DLGAP4: variants seen among roughly 807,000 people sequenced by gnomAD.
The protein encoded by DLGAP4 is disks large-associated protein 4.
Under a neutral mutation model 86.9 loss-of-function variants are expected in DLGAP4, and 18 were observed. The ratio of observed to expected loss-of-function variants is 0.21; its 90% CI spans 0.14 to 0.31. The LOEUF (loss-of-function observed/expected upper bound fraction) is 0.31. DLGAP4 is among the 10% of genes least tolerant of loss of function. The pLI, the probability that DLGAP4 is intolerant of heterozygous loss-of-function variation, is 1.00. For synonymous variants in DLGAP4, 548 were observed against 574.3 expected (o/e 0.95, Z 0.65); for missense variants, 1,085 against 1,362.6 (o/e 0.80, Z 3.21).
chr20:36,461,409 G>A (rs867317138), intron 7 of DLGAP4: 6 of 965,838 alleles, frequency 6.2e-6, no homozygotes, highest in African/African-American at 5.4e-5. Flanking sequence ...GGCTGACGCG[G>A]GGGGCGGGGA....
At chr20:36,504,145 G>A (rs2036263277) in intron 10 of DLGAP4, among the ~76,000 whole-genome samples, 1 of 152,000 alleles carries the variant, frequency 6.6e-6, no homozygotes, top group Admixed American at 6.6e-5. Flanking sequence ...GCAATTCAGT[G>A]GCATTAATTA....
chr20:36,415,085 G>A (rs894055752), intron 2 of DLGAP4, among the ~76,000 whole-genome samples: 1 of 152,096 alleles, frequency 6.6e-6, no homozygotes, highest in Admixed American at 6.6e-5. Flanking sequence ...GACCAACATG[G>A]TGAAACCCCG....
chr20:36,386,199 G>T (rs915033590), intron 2 of DLGAP4, among the ~76,000 whole-genome samples: 1 of 152,130 alleles, frequency 6.6e-6, no homozygotes, highest in African/African-American at 2.4e-5. Context: ...GCAAGCAAGC[G>T]TGACACATTG....
At chr20:36,474,839 G>A (rs986459809) in intron 7 of DLGAP4, among the ~76,000 whole-genome samples, 1 of 152,212 alleles carries the variant, frequency 6.6e-6, no homozygotes, top group Non-Finnish European at 1.5e-5. Flanking sequence ...TTACTTGAGT[G>A]CCAAGTGCTG....
intron 6 of DLGAP4, among the ~76,000 whole-genome samples, chr20:36,445,151 G>A (rs1047186324): frequency 6.6e-6 from 1 of 151,934 alleles, no homozygotes; most frequent in African/African-American, 2.4e-5. Context: ...TGTTGCCCAG[G>A]CTGAATTTTA....
intron 7 of DLGAP4, among the ~76,000 whole-genome samples, chr20:36,470,484 G>A (rs982652655): frequency 6.6e-6 from 1 of 151,518 alleles, no homozygotes; most frequent in Non-Finnish European, 1.5e-5. Context: ...CTCTGGATAC[G>A]TTTTGCTGGA....
chr20:36,496,881 T>C lies in DLGAP4; in HGVS notation c.1825T>C (p.Ser609Pro). Residue 609 changes from serine to proline, a missense_variant, in exon 8 of 13, where the codon TCG becomes CCG. This residue lies in a region of DLGAP4 where 1,082 missense variants were observed against 1,344.1 expected (regional missense o/e 0.81). Transcript: ENST00000339266. ...VTSQSGLSNS[S>P]DSLDSSTRPP... ...TAGCCAGTCGGGCCTGAGCAACTCGTCGGACAGCCTGGACAGCAGTACCCG... is the reference window on the plus strand; with the variant it reads ...TAGCCAGTCGGGCCTGAGCAACTCGCCGGACAGCCTGGACAGCAGTACCCG... 1 of 1,614,072 alleles carries C rather than the reference T, an allele frequency of 6.2e-7. No individual in the cohort carries two copies. The highest frequency in any genetic ancestry group is 8.5e-7 in the Non-Finnish European group (1 of 1,180,000).
At chr20:36,371,476 T>A (rs1320562948) in intron 2 of DLGAP4, among the ~76,000 whole-genome samples, 3 of 152,242 alleles carry the variant, frequency 2.0e-5, no homozygotes, top group Non-Finnish European at 2.9e-5. Flanking sequence ...GAGACCTGTG[T>A]GACATGGCAC....
chr20:36,456,666 A>T (rs2033886708), intron 7 of DLGAP4, among the ~76,000 whole-genome samples: 1 of 152,216 alleles, frequency 6.6e-6, no homozygotes, highest in Admixed American at 6.5e-5. Flanking sequence ...TGATTAATTG[A>T]GTGCCTACTG....
intron 8 of DLGAP4, chr20:36,497,416 C>A: frequency 1.8e-6 from 2 of 1,128,212 alleles, no homozygotes; most frequent in Non-Finnish European, 2.2e-6. Flanking sequence ...CCGTGGGAGG[C>A]GGGACTGGCC....
intron 7 of DLGAP4, among the ~76,000 whole-genome samples, chr20:36,461,099 G>A (rs1311982350): frequency 2.0e-5 from 3 of 152,148 alleles, no homozygotes; most frequent in Non-Finnish European, 4.4e-5. Flanking sequence ...TGTCGCTGGG[G>A]TGAACTGGTG....
chr20:36,364,416 T>A (rs2147408729), intron 1 of DLGAP4, among the ~76,000 whole-genome samples: 1 of 152,312 alleles, frequency 6.6e-6, no homozygotes, highest in South Asian at 2.1e-4. Context: ...ATAATTCACA[T>A]ACCATACAAC....
chr20:36,470,342 TCA>T (rs2034605845), intron 7 of DLGAP4, among the ~76,000 whole-genome samples: 1 of 152,150 alleles, frequency 6.6e-6, no homozygotes, highest in South Asian at 2.1e-4. Flanking sequence ...CAGTCTACTC[TCA>T]GAGGCTGACT....
At chr20:36,516,916 C>T in intron 10 of DLGAP4, among the ~76,000 whole-genome samples, 1 of 151,740 alleles carries the variant, frequency 6.6e-6, no homozygotes. Flanking sequence ...CATAATGAAA[C>T]CCCACGAAAC....
Position 36,322,231 on chromosome 20 carries a change from G to A in DLGAP4, c.-304+15719G>A, listed in dbSNP as rs142276032. ...AGGGAACTGCAAATGTGCAAACCCC[G>A]GGGTGTGAGGAAGGTGGGGTTTTCA... On this transcript the variant is annotated intron_variant, in intron 1 of 12. Coordinates refer to ENST00000339266, the MANE Select transcript of DLGAP4 (RefSeq NM_001365621.2). Among the ~76,000 whole-genome samples, 22 of 152,056 alleles carry A rather than the reference G, an allele frequency of 1.4e-4. No homozygotes were observed. The East Asian group carries it at 3.1e-3, about 21-fold the overall frequency.
At chr20:36,378,515 C>T (rs2031246997) in intron 2 of DLGAP4, among the ~76,000 whole-genome samples, 2 of 152,138 alleles carry the variant, frequency 1.3e-5, no homozygotes, top group Non-Finnish European at 2.9e-5. Context: ...TCAGACTTAG[C>T]TCAGATTGGT....
intron 3 of DLGAP4, among the ~76,000 whole-genome samples, chr20:36,434,479 G>T (rs1439478014): frequency 6.6e-6 from 1 of 152,186 alleles, no homozygotes; most frequent in African/African-American, 2.4e-5. Context: ...GGTATAGTTG[G>T]GTCTGATCAT....
chr20:36,353,947 AG>A (rs2030243022), intron 1 of DLGAP4, among the ~76,000 whole-genome samples: 1 of 152,190 alleles, frequency 6.6e-6, no homozygotes, highest in Admixed American at 6.5e-5. Flanking sequence ...CCAGCAAATG[AG>A]GGGCAGAAGT....
At chr20:36,518,015 G>GT (rs2037145231) in intron 10 of DLGAP4, among the ~76,000 whole-genome samples, 1 of 152,166 alleles carries the variant, frequency 6.6e-6, no homozygotes, top group Non-Finnish European at 1.5e-5. Flanking sequence ...ACGGTCAGGA[G>GT]TTCAAGACCA....
Sources: allele counts gnomAD v4.1 joint callset (sites outside exome capture counted in the v4.1 genomes callset), GRCh38; gene constraint gnomAD v4.1.1; regional missense constraint gnomAD v4.1.1; transcripts MANE v1.5; gene names NCBI Gene and HGNC (gene_info 2026-07-23, HGNC 2026-07-21).